Variants in CSMD2 observed in about 807,000 individuals in gnomAD.
CSMD2 encodes the protein CUB and sushi domain-containing protein 2.
Under a neutral mutation model 398.5 loss-of-function variants are expected in CSMD2, and 130 were observed. The ratio of observed to expected loss-of-function variants is 0.33; its 90% CI spans 0.28 to 0.38. CSMD2 has a LOEUF of 0.38. Ranked by LOEUF, CSMD2 falls within the 10% of genes least tolerant of loss-of-function variation. The pLI is 1.00. For synonymous variants in CSMD2, 1,828 were observed against 1,908.5 expected (o/e 0.96, Z 1.10); for missense variants, 3,829 against 4,764.9 (o/e 0.80, Z 5.78).
Position 33,581,567 on chromosome 1 carries a change from A to T in CSMD2, c.7241-668T>A, listed in dbSNP as rs867575786. On this transcript the variant is annotated intron_variant, in intron 47 of 70. Transcript: ENST00000373381. ...AAAAAAAAAAAAAGAAAAGAAAAAA[A>T]GCTCAGTGCCTGCCATATAGAAAAA... Among the ~76,000 whole-genome samples the T allele has an allele frequency of 7.3e-5, 11 of 150,808 alleles. No homozygotes were observed. In the Middle Eastern group the frequency reaches 0.01, roughly 142 times the overall value.
chr1:34,135,285 C>CA (rs1553328594), intron 1 of CSMD2, among the ~76,000 whole-genome samples: 46 of 142,830 alleles, frequency 3.2e-4, no homozygotes, highest in African/African-American at 1.0e-3. Context: ...CACACACACA[C>CA]AATTATTTTG....
chr1:33,594,009 C>T (rs763818775), intron 44 of CSMD2, among the ~76,000 whole-genome samples: 13 of 152,138 alleles, frequency 8.5e-5, no homozygotes, highest in Non-Finnish European at 1.6e-4. Flanking sequence ...AGGACATTCT[C>T]TTATCCCTTT....
chr1:34,009,044 A>G (rs1016661878), intron 3 of CSMD2, among the ~76,000 whole-genome samples: 77 of 152,096 alleles, frequency 5.1e-4, no homozygotes, highest in African/African-American at 1.8e-3. Context: ...CACACAACAT[A>G]CCACACAAAC....
chr1:33,526,275 C>T (rs1654764890), intron 65 of CSMD2, among the ~76,000 whole-genome samples: 1 of 152,104 alleles, frequency 6.6e-6, no homozygotes, highest in South Asian at 2.1e-4. Flanking sequence ...GTCAGTATAG[C>T]ATGGTGAATT....
chr1:34,048,300 T>C (rs1652778473), intron 2 of CSMD2, among the ~76,000 whole-genome samples: 1 of 152,218 alleles, frequency 6.6e-6, no homozygotes, highest in South Asian at 2.1e-4. Flanking sequence ...CATTTAGGAA[T>C]GGAAACTGCT....
At chr1:33,626,888 G>A (rs867657820) in intron 32 of CSMD2, among the ~76,000 whole-genome samples, 5 of 152,304 alleles carry the variant, frequency 3.3e-5, no homozygotes, top group South Asian at 4.1e-4. Context: ...GACCTGTGCC[G>A]GAAAGGAGAA....
chr1:33,648,479 G>A (rs1643582578), intron 28 of CSMD2, among the ~76,000 whole-genome samples: 1 of 152,108 alleles, frequency 6.6e-6, no homozygotes, highest in Non-Finnish European at 1.5e-5. Flanking sequence ...GTACAATCCG[G>A]AAGACAAAGC....
At chr1:33,789,459 G>C (rs953489391) in intron 11 of CSMD2, among the ~76,000 whole-genome samples, 26 of 152,242 alleles carry the variant, frequency 1.7e-4, no homozygotes, top group African/African-American at 5.8e-4. Flanking sequence ...GTGCAGAATG[G>C]GCAGTGGCTT....
At chr1:33,819,148 G>A (rs1002352736) in intron 9 of CSMD2, among the ~76,000 whole-genome samples, 2 of 152,182 alleles carry the variant, frequency 1.3e-5, no homozygotes, top group Non-Finnish European at 2.9e-5. Context: ...AGATTATTTG[G>A]GGGGTAGGGG....
At position 33,892,509 on chromosome 1, in the gene CSMD2, A is replaced by T. The variant is rs181421708; in HGVS notation, c.920+25585T>A. On this transcript the variant is annotated intron_variant, in intron 5 of 70. Coordinates refer to ENST00000373381, the MANE Select transcript of CSMD2 (RefSeq NM_001281956.2). ...CCTCCAAGTCCCCAAAGTCCATTAT[A>T]TCACTCTTATGCCTTTGCACCCTCA... 2.1e-3 allele frequency among the ~76,000 whole-genome samples: 315 copies of T among 152,180 alleles called. 4 individuals carry two copies. The highest frequency in any genetic ancestry group is 2.3e-3 in the Non-Finnish European group (157 of 68,008).
chr1:34,134,830 A>C (rs1638549125), intron 1 of CSMD2, among the ~76,000 whole-genome samples: 1 of 152,222 alleles, frequency 6.6e-6, no homozygotes, highest in Admixed American at 6.5e-5. Context: ...AAAGATGCTT[A>C]GTTTCAGTTA....
At chr1:34,046,860 A>T (rs1472219514) in intron 2 of CSMD2, among the ~76,000 whole-genome samples, 1 of 152,176 alleles carries the variant, frequency 6.6e-6, no homozygotes, top group Non-Finnish European at 1.5e-5. Flanking sequence ...AGGCATTTAC[A>T]TTAATTTATC....
chr1:33,788,838 ACT>A (rs1282058685), intron 11 of CSMD2, 126 bp from the exon 12 acceptor site: 3 of 639,160 alleles, frequency 4.7e-6, no homozygotes, highest in African/African-American at 1.8e-5. Flanking sequence ...TCTGGGCCCC[ACT>A]GTGTTTCTGA....
intron 5 of CSMD2, among the ~76,000 whole-genome samples, chr1:33,880,123 A>T (rs1354048031): frequency 6.6e-6 from 1 of 152,172 alleles, no homozygotes; most frequent in Non-Finnish European, 1.5e-5. Flanking sequence ...GGAGACCAAA[A>T]ATGATGATTT....
chr1:33,710,456 A>C (rs1645946874), intron 21 of CSMD2, among the ~76,000 whole-genome samples: 1 of 152,236 alleles, frequency 6.6e-6, no homozygotes, highest in Non-Finnish European at 1.5e-5. Context: ...ACCTCAGAAG[A>C]TGTACAGTCC....
At chr1:33,798,060 G>A (rs558916960) in intron 10 of CSMD2, among the ~76,000 whole-genome samples, 1 of 152,298 alleles carries the variant, frequency 6.6e-6, no homozygotes, top group South Asian at 2.1e-4. Context: ...AGCCTCTAGT[G>A]CACAATGTAC....
chr1:34,117,132 A>G (rs946644466), intron 1 of CSMD2, among the ~76,000 whole-genome samples: 7 of 152,118 alleles, frequency 4.6e-5, no homozygotes, highest in Non-Finnish European at 8.8e-5. Flanking sequence ...GAACAAAATC[A>G]TAAAGATTAG....
intron 3 of CSMD2, among the ~76,000 whole-genome samples, chr1:33,979,671 TC>T (rs2147949648): frequency 6.6e-6 from 1 of 151,920 alleles, no homozygotes; most frequent in Admixed American, 6.6e-5. Flanking sequence ...TTTGTTGCCT[TC>T]ACTGGAAAAG....
At chr1:33,592,444 G>C in intron 44 of CSMD2, 2 of 716,640 alleles carry the variant, frequency 2.8e-6, no homozygotes, top group Non-Finnish European at 5.2e-6. Flanking sequence ...GGGGGCAGAT[G>C]TGTGCGTGGA....
Sources: allele counts gnomAD v4.1 joint callset (sites outside exome capture counted in the v4.1 genomes callset), GRCh38; gene constraint gnomAD v4.1.1; transcripts MANE v1.5; gene names NCBI Gene and HGNC (gene_info 2026-07-23, HGNC 2026-07-21).